FAM110B: variants seen among roughly 807,000 people sequenced by gnomAD.
FAM110B encodes protein FAM110B.
A neutral mutation model predicts 20.4 loss-of-function variants in FAM110B; 6 were observed. That is an observed-to-expected ratio of 0.29 (90% confidence interval 0.16 to 0.58). The LOEUF is 0.58. Among genes scored for constraint, FAM110B ranks in the 20% least tolerant of loss-of-function variants. The pLI is 0.90. For synonymous variants in FAM110B, 226 were observed against 214.1 expected, an observed-to-expected ratio of 1.06 and a Z score of -0.49; for missense variants, 434 against 498.2, an observed-to-expected ratio of 0.87 and a Z score of 1.23.
At chr8:58,009,197 C>T (rs935536051) in intron 1 of FAM110B, among the ~76,000 whole-genome samples, 2 of 152,196 alleles carry the variant, frequency 1.3e-5, no homozygotes, top group African/African-American at 4.8e-5. Context: ...CTCTCTGCTG[C>T]TTTGAGAGTA....
intron 3 of FAM110B, among the ~76,000 whole-genome samples, chr8:58,101,176 C>CAA (rs879353022): frequency 6.1e-5 from 7 of 114,276 alleles, no homozygotes; most frequent in Non-Finnish European, 9.3e-5. Flanking sequence ...GACTCCGTCT[C>CAA]AAAAAAAAAA....
intron 2 of FAM110B, among the ~76,000 whole-genome samples, chr8:58,041,045 A>G (rs1805207917): frequency 6.9e-6 from 1 of 144,378 alleles, no homozygotes; most frequent in Non-Finnish European, 1.5e-5. Flanking sequence ...GGTTCAAGTG[A>G]TTCTCCTGCC....
intron 1 of FAM110B, among the ~76,000 whole-genome samples, chr8:58,006,925 T>TATATATATATATATA (rs1563494782): frequency 1.8e-5 from 1 of 55,806 alleles, no homozygotes; most frequent in Non-Finnish European, 4.4e-5. Flanking sequence ...ATATATATAT[T>TATATATATATATATA]TTTCCAAAAC....
At chr8:58,103,715 T>C (rs1806843521) in intron 3 of FAM110B, among the ~76,000 whole-genome samples, 1 of 152,204 alleles carries the variant, frequency 6.6e-6, no homozygotes. Context: ...GAATAAGGAT[T>C]CAAGTGAACT....
At chr8:58,074,211 A>G (rs2150592304) in intron 2 of FAM110B, among the ~76,000 whole-genome samples, 1 of 152,090 alleles carries the variant, frequency 6.6e-6, no homozygotes, top group South Asian at 2.1e-4. Flanking sequence ...TCTTAACTCT[A>G]ACTCTGGTTT....
chr8:58,009,376 C>G (rs2150565066), intron 1 of FAM110B, among the ~76,000 whole-genome samples: 1 of 152,318 alleles, frequency 6.6e-6, no homozygotes, highest in Non-Finnish European at 1.5e-5. Flanking sequence ...AAATCCTAGA[C>G]CTTCACTGTA....
chr8:58,146,158 A>C lies in FAM110B; in HGVS notation c.-73A>C. On this transcript the variant is annotated 5_prime_UTR_variant, in exon 4 of 4. An upstream start codon of the reference 5' UTR is lost. Coordinates refer to ENST00000519262, the MANE Select transcript of FAM110B (RefSeq NM_001377989.1). Reference sequence around the variant, plus strand: ...CCGCCGCCCTTGGCGCTTCATGTACATGTGTCTATTCAGGCCTTGCGGAGG... The same window carrying C: ...CCGCCGCCCTTGGCGCTTCATGTACCTGTGTCTATTCAGGCCTTGCGGAGG... 1.3e-6 allele frequency: 2 copies of C among 1,503,968 alleles called. No homozygotes were observed. The highest frequency in any genetic ancestry group is 8.9e-7 in the Non-Finnish European group (1 of 1,124,718). 93.2% of individuals were successfully genotyped at this position (1,503,968 alleles called of 1,614,324 possible).
intron 3 of FAM110B, among the ~76,000 whole-genome samples, chr8:58,101,176 CAA>C (rs879353022): frequency 3.5e-5 from 4 of 114,292 alleles, no homozygotes; most frequent in Non-Finnish European, 1.9e-5. Flanking sequence ...GACTCCGTCT[CAA>C]AAAAAAAAAA....
In FAM110B at chr8:58,013,184, T is replaced by A. The variant is rs570987468; in HGVS notation, c.-512+18378T>A. 3.3e-5 allele frequency among the ~76,000 whole-genome samples: 5 copies of A among 152,334 alleles called. No individual in the cohort carries two copies. The East Asian group carries it at 9.7e-4, about 29-fold the overall frequency. On this transcript the variant is annotated intron_variant, in intron 1 of 3. Transcript: ENST00000519262. ...AGCTTTGCTTATCAACAAAGATTTC[T>A]CTCTTTACTGCACTAGATGGCAAAT...
chr8:58,021,065 G>A (rs1006144540), intron 1 of FAM110B, among the ~76,000 whole-genome samples: 1 of 152,120 alleles, frequency 6.6e-6, no homozygotes. Flanking sequence ...GCCATCGGAT[G>A]GAAGGCTTTT....
intron 1 of FAM110B, among the ~76,000 whole-genome samples, chr8:58,008,694 T>C (rs1191125768): frequency 6.6e-6 from 1 of 152,204 alleles, no homozygotes; most frequent in East Asian, 1.9e-4. Flanking sequence ...ATTCCTCCTC[T>C]GTAGCTGTAA....
intron 3 of FAM110B, among the ~76,000 whole-genome samples, chr8:58,121,100 G>A (rs987318326): frequency 2.0e-5 from 3 of 152,194 alleles, no homozygotes; most frequent in Admixed American, 1.3e-4. Context: ...TTTAGTCAGT[G>A]GCAAGTTCAT....
intron 3 of FAM110B, among the ~76,000 whole-genome samples, chr8:58,134,382 T>C (rs1293140613): frequency 1.3e-5 from 2 of 152,194 alleles, no homozygotes; most frequent in African/African-American, 4.8e-5. Flanking sequence ...GAATAAGCAG[T>C]CTCCATGTAT....
At chr8:58,041,626 G>T (rs578214549) in intron 2 of FAM110B, among the ~76,000 whole-genome samples, 1 of 152,204 alleles carries the variant, frequency 6.6e-6, no homozygotes, top group Non-Finnish European at 1.5e-5. Context: ...GGTAGGGAAG[G>T]TAAGCACACT....
intron 1 of FAM110B, among the ~76,000 whole-genome samples, chr8:58,028,010 G>A (rs1036555869): frequency 6.6e-6 from 1 of 152,170 alleles, no homozygotes; most frequent in African/African-American, 2.4e-5. Flanking sequence ...AACTTTATAA[G>A]CAACTGCCAA....
At chr8:58,007,387 C>T (rs1804433735) in intron 1 of FAM110B, among the ~76,000 whole-genome samples, 1 of 152,164 alleles carries the variant, frequency 6.6e-6, no homozygotes, top group South Asian at 2.1e-4. Flanking sequence ...GGTGATGCAG[C>T]ATCAGTGGAA....
At chr8:58,100,262 A>G (rs1806745346) in intron 3 of FAM110B, among the ~76,000 whole-genome samples, 1 of 152,106 alleles carries the variant, frequency 6.6e-6, no homozygotes, top group South Asian at 2.1e-4. Context: ...GAAAAAAAAA[A>G]AAAAGTCATG....
intron 3 of FAM110B, among the ~76,000 whole-genome samples, chr8:58,107,493 A>G (rs962859041): frequency 3.9e-5 from 6 of 152,210 alleles, no homozygotes; most frequent in African/African-American, 1.4e-4. Context: ...GTTTAAGTCA[A>G]CAAGCTGTGG....
At chr8:57,998,535 AT>A (rs1804229789) in intron 1 of FAM110B, among the ~76,000 whole-genome samples, 1 of 152,202 alleles carries the variant, frequency 6.6e-6, no homozygotes, top group South Asian at 2.1e-4. Context: ...GCCTAATATA[AT>A]TTTTTAATGT....
Sources: gnomAD v4.1 joint callset for allele counts (sites outside exome capture counted in the v4.1 genomes callset) on GRCh38, gnomAD v4.1.1 for gene constraint, MANE v1.5 for transcripts, NCBI Gene and HGNC (gene_info 2026-07-23, HGNC 2026-07-21) for gene names.